Variants in NRG3 observed in about 807,000 individuals in gnomAD.
The protein encoded by NRG3 is pro-neuregulin-3, membrane-bound isoform.
In NRG3, 31 loss-of-function variants were observed where a neutral mutation model predicts 66.9. The observed-to-expected ratio is 0.46, with a 90% CI of 0.35 to 0.63. NRG3 has a LOEUF of 0.63. Among genes scored for constraint, NRG3 ranks in the 20% least tolerant of loss-of-function variants. NRG3 has a pLI of 0.00. For synonymous variants in NRG3, 393 were observed against 359.4 expected, an observed-to-expected ratio of 1.09 and a Z score of -1.06; for missense variants, 910 against 878.9, an observed-to-expected ratio of 1.04 and a Z score of -0.45.
rs76304255 is a variant in NRG3 at position 82,218,504 on chromosome 10, G to A, written c.824-140235G>A. Among the ~76,000 whole-genome samples, 762 of 152,230 alleles carry A rather than the reference G, an allele frequency of 5.0e-3. 7 individuals carry two copies. Among genetic ancestry groups the A allele is most frequent in the African/African-American group, 0.017 (707 of 41,554 alleles). ...GCCCTGAGACTGTGGAAAATACAGC[G>A]TCTATAACATATCCCCTTCTTACAG... On this transcript the variant is annotated intron_variant, in intron 1 of 8. Coordinates refer to ENST00000372141, the MANE Select transcript of NRG3 (RefSeq NM_001010848.4).
intron 1 of NRG3, among the ~76,000 whole-genome samples, chr10:81,903,457 G>A (rs1197452266): frequency 6.6e-6 from 1 of 152,150 alleles, no homozygotes; most frequent in Non-Finnish European, 1.5e-5. Flanking sequence ...AAATAAGCTG[G>A]TGTAAGCATA....
Position 82,702,822 on chromosome 10 carries a change from T to C in NRG3, c.954-35755T>C, listed in dbSNP as rs1215237042. Among the ~76,000 whole-genome samples the C allele has an allele frequency of 2.0e-5, 3 of 152,190 alleles. No homozygotes were observed. In the East Asian group the frequency reaches 5.8e-4, roughly 29 times the overall value. ...TTTCTGAGTAAATAATAAGGGACAA[T>C]ATCTTTGTATCAGATGTACATAAAT... On this transcript the variant is annotated intron_variant, in intron 2 of 8. Coordinates refer to ENST00000372141, the MANE Select transcript of NRG3 (RefSeq NM_001010848.4).
At chr10:82,225,232 T>G (rs1336116085) in intron 1 of NRG3, among the ~76,000 whole-genome samples, 1 of 152,178 alleles carries the variant, frequency 6.6e-6, no homozygotes, top group East Asian at 1.9e-4. Context: ...CTAACTACGG[T>G]ATTAACACCT....
intron 1 of NRG3, among the ~76,000 whole-genome samples, chr10:82,205,204 A>G (rs2075054539): frequency 6.6e-6 from 1 of 152,174 alleles, no homozygotes; most frequent in South Asian, 2.1e-4. Flanking sequence ...CATTTCTTAA[A>G]CATACTTCGT....
chr10:81,950,257 T>C (rs776333807), intron 1 of NRG3, among the ~76,000 whole-genome samples: 2 of 152,152 alleles, frequency 1.3e-5, no homozygotes, highest in African/African-American at 2.4e-5. Flanking sequence ...TGAAAGTTGG[T>C]CTCAATTTAG....
intron 1 of NRG3, among the ~76,000 whole-genome samples, chr10:82,204,282 G>T (rs577877680): frequency 6.6e-6 from 1 of 152,114 alleles, no homozygotes; most frequent in Non-Finnish European, 1.5e-5. Context: ...TACAACAAAG[G>T]TTTCTTTCTT....
At chr10:82,726,400 G>A (rs2057601530) in intron 2 of NRG3, among the ~76,000 whole-genome samples, 2 of 152,106 alleles carry the variant, frequency 1.3e-5, no homozygotes, top group South Asian at 4.1e-4. Context: ...CCAGTGGGAG[G>A]TAATTGAATC....
chr10:82,712,469 G>C (rs1347722266), intron 2 of NRG3, among the ~76,000 whole-genome samples: 1 of 152,154 alleles, frequency 6.6e-6, no homozygotes, highest in Non-Finnish European at 1.5e-5. Flanking sequence ...CACGTGGAGG[G>C]CTTGGTTAGC....
intron 3 of NRG3, among the ~76,000 whole-genome samples, chr10:82,742,914 C>T (rs506734): frequency 0.74 from 112,902 of 151,954 alleles, 42,370 homozygotes; most frequent in Non-Finnish European, 0.79. Flanking sequence ...CATCTCCCCT[C>T]TCATGAGCAC....
intron 2 of NRG3, among the ~76,000 whole-genome samples, chr10:82,652,703 C>T (rs2051522643): frequency 6.6e-6 from 1 of 152,138 alleles, no homozygotes; most frequent in South Asian, 2.1e-4. Flanking sequence ...TTGAGCTAGT[C>T]TCAGGTTTTT....
At chr10:82,651,702 T>C (rs1591027632) in intron 2 of NRG3, among the ~76,000 whole-genome samples, 2 of 152,294 alleles carry the variant, frequency 1.3e-5, no homozygotes, top group East Asian at 3.9e-4. Flanking sequence ...CTAGAGACAT[T>C]TTGGTTGTCA....
chr10:82,203,625 CAT>C (rs998013525), intron 1 of NRG3, among the ~76,000 whole-genome samples: 23 of 152,154 alleles, frequency 1.5e-4, no homozygotes, highest in African/African-American at 5.5e-4. Flanking sequence ...TATCATAAGA[CAT>C]ATAAAATTAG....
chr10:82,717,093 A>G (rs920371711), intron 2 of NRG3, among the ~76,000 whole-genome samples: 1 of 152,266 alleles, frequency 6.6e-6, no homozygotes, highest in African/African-American at 2.4e-5. Context: ...ACTTATTCCC[A>G]AAGACACCGA....
chr10:82,504,533 T>C (rs1844497077), intron 2 of NRG3, among the ~76,000 whole-genome samples: 1 of 152,130 alleles, frequency 6.6e-6, no homozygotes, highest in African/African-American at 2.4e-5. Flanking sequence ...TAAGGGCAAA[T>C]TGATAATTGT....
chr10:82,937,246 C>T (rs534407709), intron 4 of NRG3, among the ~76,000 whole-genome samples: 1 of 152,246 alleles, frequency 6.6e-6, no homozygotes, highest in African/African-American at 2.4e-5. Context: ...TTTATTAACA[C>T]TGGAAGTGAG....
chr10:82,567,959 G>A (rs956302283), intron 2 of NRG3, among the ~76,000 whole-genome samples: 1 of 151,836 alleles, frequency 6.6e-6, no homozygotes, highest in Non-Finnish European at 1.5e-5. Context: ...AGTTAAGCCT[G>A]GACATCCTGG....
intron 1 of NRG3, among the ~76,000 whole-genome samples, chr10:81,877,232 C>T (rs1191334886): frequency 6.6e-6 from 1 of 152,172 alleles, no homozygotes; most frequent in East Asian, 1.9e-4. Context: ...CCCACCCCAA[C>T]CCCCACCTTG....
chr10:82,178,579 G>T (rs1357175589), intron 1 of NRG3, among the ~76,000 whole-genome samples: 1 of 152,048 alleles, frequency 6.6e-6, no homozygotes, highest in East Asian at 1.9e-4. Context: ...TGGCTAAATA[G>T]TATTTTATTG....
chr10:82,373,179 G>A (rs1385155822), intron 2 of NRG3, among the ~76,000 whole-genome samples: 1 of 152,222 alleles, frequency 6.6e-6, no homozygotes, highest in Non-Finnish European at 1.5e-5. Flanking sequence ...GGCACATATA[G>A]CAACACATGC....
Sources: allele counts gnomAD v4.1 joint callset (sites outside exome capture counted in the v4.1 genomes callset), GRCh38; gene constraint gnomAD v4.1.1; transcripts MANE v1.5; gene names NCBI Gene and HGNC (gene_info 2026-07-23, HGNC 2026-07-21).